The following ADAMTS18 variants were observed in gnomAD, a reference collection of about 807,000 sequenced individuals.
ADAMTS18 encodes ADAM metallopeptidase with thrombospondin type 1 motif 18.
In ADAMTS18, 157 loss-of-function variants were observed where a neutral mutation model predicts 165.9. The ratio of observed to expected loss-of-function variants is 0.95; its 90% CI spans 0.83 to 1.08. The LOEUF (loss-of-function observed/expected upper bound fraction) is 1.08, where lower values mean the gene tolerates loss of function less well. Among genes scored for constraint, ADAMTS18 ranks in the 50% least tolerant of loss-of-function variants. The pLI is 0.00. For missense variants in ADAMTS18, 2,040 were observed against 1,534.0 expected, an observed-to-expected ratio of 1.33 and a Z score of -5.51; for synonymous variants, 782 against 578.2, an observed-to-expected ratio of 1.35 and a Z score of -5.06.
intron 7 of ADAMTS18, among the ~76,000 whole-genome samples, chr16:77,360,014 G>A (rs995105422): frequency 1.3e-5 from 2 of 152,120 alleles, no homozygotes; most frequent in Admixed American, 6.5e-5. Context: ...AAAGCATCCC[G>A]GCCAGCCCTT....
At chr16:77,347,432 C>T (rs545219008) in intron 10 of ADAMTS18, among the ~76,000 whole-genome samples, 2 of 152,278 alleles carry the variant, frequency 1.3e-5, no homozygotes, top group South Asian at 2.1e-4. Flanking sequence ...CAGCAATATG[C>T]AGAGTTCCAG....
intron 3 of ADAMTS18, among the ~76,000 whole-genome samples, chr16:77,378,117 CAGG>C (rs1443260024): frequency 7.2e-5 from 11 of 152,140 alleles, no homozygotes; most frequent in African/African-American, 2.6e-4. Flanking sequence ...CACTCGAGCT[CAGG>C]AGTTTATCAG....
chr16:77,342,003 T>C (rs1470039672), intron 10 of ADAMTS18, among the ~76,000 whole-genome samples: 1 of 152,216 alleles, frequency 6.6e-6, no homozygotes, highest in African/African-American at 2.4e-5. Context: ...AGTATCCAGA[T>C]ATTCATGTGT....
chr16:77,322,414 A>G lies in ADAMTS18; in HGVS notation c.2085T>C (p.Phe695=), dbSNP rs781068163. The change falls in exon 14 of 23, where the codon TTT becomes TTC. Residue 695 remains phenylalanine, a synonymous_variant. Transcript: ENST00000282849. ...CATCTTTCACTTTGCCGGACATTGC[A>G]AAAAAAAATTCAAAGTTCTCAGCCT... ...YCKAENFEFF[F]AMSGKVKDGT... The G allele has an allele frequency of 3.8e-6, 6 of 1,597,460 alleles. No homozygotes were observed. In the Admixed American group the frequency reaches 1.0e-4, roughly 27 times the overall value.
chr16:77,350,693 C>T (rs1484557643), intron 10 of ADAMTS18, among the ~76,000 whole-genome samples: 1 of 152,154 alleles, frequency 6.6e-6, no homozygotes, highest in African/African-American at 2.4e-5. Context: ...GACCCTCAAT[C>T]TTGACTGAGC....
At chr16:77,373,391 G>T (rs570085132) in intron 3 of ADAMTS18, among the ~76,000 whole-genome samples, 2 of 151,488 alleles carry the variant, frequency 1.3e-5, no homozygotes, top group African/African-American at 4.9e-5. Flanking sequence ...CACGGGAGGC[G>T]GAGGTTGCAG....
chr16:77,302,479 A>T (rs1347117580), intron 16 of ADAMTS18, among the ~76,000 whole-genome samples: 1 of 152,224 alleles, frequency 6.6e-6, no homozygotes, highest in Admixed American at 6.5e-5. Flanking sequence ...GCAGAATGGT[A>T]TTGCAGTACA....
At chr16:77,288,720 C>G (rs1370267609) in intron 22 of ADAMTS18, among the ~76,000 whole-genome samples, 2 of 152,078 alleles carry the variant, frequency 1.3e-5, no homozygotes, top group Admixed American at 6.6e-5. Context: ...TCCTTGAGGG[C>G]TATTGTTGTT....
intron 2 of ADAMTS18, among the ~76,000 whole-genome samples, chr16:77,433,722 A>G (rs988373796): frequency 1.3e-5 from 2 of 152,164 alleles, no homozygotes; most frequent in African/African-American, 4.8e-5. Context: ...TTTCCTAGAC[A>G]CCTTGCGTCA....
chr16:77,373,414 A>G (rs75800870), intron 3 of ADAMTS18, among the ~76,000 whole-genome samples: 47,552 of 150,322 alleles, frequency 0.32, 8,558 homozygotes, highest in East Asian at 0.57. Flanking sequence ...AGCTGAGATC[A>G]CACCACTGCA....
At chr16:77,374,391 T>A (rs2056920562) in intron 3 of ADAMTS18, among the ~76,000 whole-genome samples, 1 of 152,098 alleles carries the variant, frequency 6.6e-6, no homozygotes, top group South Asian at 2.1e-4. Flanking sequence ...AAGCATTCAG[T>A]GCAATACCTT....
In ADAMTS18 at chr16:77,282,992, T is replaced by C. The variant is rs894571871; in HGVS notation, c.*964A>G. 3 of 149,136 alleles carry C rather than the reference T, an allele frequency of 2.0e-5. No homozygotes were observed. Among genetic ancestry groups the C allele is most frequent in the African/African-American group, 7.4e-5 (3 of 40,562 alleles). The allele number at this position is 149,136 out of a possible 1,614,324, so 9.2% of individuals were successfully genotyped here. On this transcript the variant is annotated 3_prime_UTR_variant, in exon 23 of 23. Transcript: ENST00000282849. ...TGGTAGGAAAAAGCCACAAGTGGCC[T>C]TTAATTTTCCAAGCAGCTCTGGTAG...
At chr16:77,415,027 C>A (rs550073889) in intron 3 of ADAMTS18, among the ~76,000 whole-genome samples, 56 of 152,298 alleles carry the variant, frequency 3.7e-4, no homozygotes, top group Admixed American at 9.8e-4. Flanking sequence ...AACAAGACAA[C>A]TGACATAGAA....
At chr16:77,327,139 C>T (rs2056108832) in intron 12 of ADAMTS18, among the ~76,000 whole-genome samples, 1 of 152,150 alleles carries the variant, frequency 6.6e-6, no homozygotes, top group Admixed American at 6.5e-5. Flanking sequence ...GCTATCACGA[C>T]TAGTGCTACA....
chr16:77,430,188 T>G (rs891919430), intron 3 of ADAMTS18, among the ~76,000 whole-genome samples: 5 of 150,790 alleles, frequency 3.3e-5, no homozygotes, highest in Non-Finnish European at 1.5e-5. Context: ...AAACAAGATA[T>G]AGTCATGTGT....
chr16:77,300,194 G>T (rs1434988283), intron 17 of ADAMTS18, 69 bp downstream of exon 17: 2 of 1,582,546 alleles, frequency 1.3e-6, no homozygotes, highest in Admixed American at 3.4e-5. Flanking sequence ...TTATGTTAAA[G>T]ACGCCTGGAG....
At chr16:77,433,171 T>C (rs962151483) in intron 2 of ADAMTS18, among the ~76,000 whole-genome samples, 2 of 152,210 alleles carry the variant, frequency 1.3e-5, no homozygotes, top group Non-Finnish European at 2.9e-5. Context: ...GTCTACCTTC[T>C]CCTTCTGTCA....
At chr16:77,320,817 T>C (rs1459566272) in intron 15 of ADAMTS18, among the ~76,000 whole-genome samples, 1 of 152,212 alleles carries the variant, frequency 6.6e-6, no homozygotes, top group African/African-American at 2.4e-5. Flanking sequence ...GCTTAACAAA[T>C]GCACTTGGAC....
At chr16:77,420,953 T>C (rs1322928043) in intron 3 of ADAMTS18, among the ~76,000 whole-genome samples, 2 of 152,216 alleles carry the variant, frequency 1.3e-5, no homozygotes, top group Non-Finnish European at 2.9e-5. Flanking sequence ...TACTCTGTTA[T>C]AGCAGAACTC....
Sources: gnomAD v4.1 joint callset for allele counts (sites outside exome capture counted in the v4.1 genomes callset) on GRCh38, gnomAD v4.1.1 for gene constraint, MANE v1.5 for transcripts, NCBI Gene and HGNC (gene_info 2026-07-23, HGNC 2026-07-21) for gene names.